The following DHX9 variants were observed in gnomAD, a reference collection of about 807,000 sequenced individuals.
DHX9 encodes the protein DExH-box helicase 9, also known as ATP-dependent RNA helicase A.
DHX9 carries 27 observed loss-of-function variants against 148.7 expected under a neutral mutation model. The ratio of observed to expected loss-of-function variants is 0.18; its 90% CI spans 0.13 to 0.25. The LOEUF (loss-of-function observed/expected upper bound fraction) is 0.25, where lower values mean the gene tolerates loss of function less well. DHX9 is among the 10% of genes least tolerant of loss of function. The pLI is 1.00. For missense variants in DHX9, 796 were observed against 1,559.6 expected, an observed-to-expected ratio of 0.51 and a Z score of 8.25; for synonymous variants, 529 against 516.6, an observed-to-expected ratio of 1.02 and a Z score of -0.33.
intron 14 of DHX9, among the ~76,000 whole-genome samples, chr1:182,868,651 G>A (rs1648409457): frequency 6.6e-6 from 1 of 151,580 alleles, no homozygotes; most frequent in South Asian, 2.1e-4. Flanking sequence ...AAGTAGCTGG[G>A]ATTACAGGTG....
At chr1:182,843,564 T>C in intron 3 of DHX9, 130 bp downstream of exon 3, 2 of 960,860 alleles carry the variant, frequency 2.1e-6, no homozygotes, top group Non-Finnish European at 2.9e-6. Context: ...AAATTTGGCA[T>C]CTTGTTTTGT....
chr1:182,877,251 C>A (rs1164719370), intron 19 of DHX9, among the ~76,000 whole-genome samples: 1 of 152,034 alleles, frequency 6.6e-6, no homozygotes, highest in African/African-American at 2.4e-5. Context: ...GTGTTTAGCA[C>A]ATGACAAATA....
chr1:182,839,417 C>G lies in DHX9; in HGVS notation c.-62C>G, dbSNP rs1667869778. 6.6e-6 allele frequency: 1 copy of G among 152,500 alleles called. No homozygotes were observed. 9.4% of individuals were successfully genotyped at this position (152,500 alleles called of 1,614,324 possible). ...TTGTCTCGGTAGAAGGCCAGAGTCA[C>G]ACACGGTCCTAAGAGCTGGGCACCA... is the stretch of plus-strand genomic sequence containing the variant. On this transcript the variant is annotated 5_prime_UTR_variant, in exon 1 of 28. Transcript: ENST00000367549.
At chr1:182,860,330 G>A (rs974115527) in intron 12 of DHX9, 146 bp downstream of exon 12, 10 of 687,370 alleles carry the variant, frequency 1.5e-5, no homozygotes, top group African/African-American at 1.3e-4. Flanking sequence ...TAAAAACAAC[G>A]TAGTCTTTTT....
chr1:182,883,090 A>C (rs2102621280), intron 24 of DHX9, 49 bp from the exon 25 acceptor site: 1 of 1,245,108 alleles, frequency 8.0e-7, no homozygotes, highest in Middle Eastern at 1.9e-4. Flanking sequence ...TGTAATGTGA[A>C]GATCAGCCAG....
At chr1:182,849,259 G>C (rs964624617) in intron 3 of DHX9, among the ~76,000 whole-genome samples, 5 of 152,038 alleles carry the variant, frequency 3.3e-5, no homozygotes, top group Non-Finnish European at 5.9e-5. Context: ...GAATAATATA[G>C]TGAAACTCCA....
At chr1:182,884,554 T>TAATG in intron 26 of DHX9, 59 bp from the exon 27 acceptor site, 2 of 1,436,062 alleles carry the variant, frequency 1.4e-6, no homozygotes, top group Non-Finnish European at 1.9e-6. Flanking sequence ...AGTTGAGAGA[T>TAATG]AATGGTCTTT....
intron 12 of DHX9, among the ~76,000 whole-genome samples, chr1:182,866,000 G>C (rs1648278695): frequency 6.6e-6 from 1 of 152,200 alleles, no homozygotes; most frequent in Non-Finnish European, 1.5e-5. Context: ...TGATGCAAAA[G>C]TGCATTGAAT....
intron 14 of DHX9, 33 bp downstream of exon 14, chr1:182,867,076 A>C (rs1377585769): frequency 1.7e-5 from 22 of 1,323,730 alleles, no homozygotes; most frequent in African/African-American, 3.0e-5. Flanking sequence ...TAAGGTACTT[A>C]ATTCTGCTAT....
At position 182,881,463 on chromosome 1, in the gene DHX9, C is replaced by T. The variant is rs772681774; in HGVS notation, c.2786+38C>T. 15 of 1,609,322 alleles carry T rather than the reference C, an allele frequency of 9.3e-6. No homozygotes were observed. In the African/African-American group the frequency reaches 1.7e-4, roughly 19 times the overall value. On this transcript the variant is annotated intron_variant, in intron 23 of 27. Coordinates refer to ENST00000367549, the MANE Select transcript of DHX9 (RefSeq NM_001357.5). The stretch of plus-strand genomic sequence containing the variant: ...TTTGGGTGAGCTGTCTGTAGTTTCT[C>T]ATTTGTATTTAGTTCTCTGGTCTTA...
intron 21 of DHX9, among the ~76,000 whole-genome samples, chr1:182,879,667 C>T (rs945708859): frequency 6.6e-6 from 1 of 152,174 alleles, no homozygotes; most frequent in African/African-American, 2.4e-5. Context: ...TAACTATGTA[C>T]TAAAGATCAG....
intron 20 of DHX9, 138 bp downstream of exon 20, chr1:182,878,311 C>T (rs970255804): frequency 6.3e-5 from 59 of 931,154 alleles, no homozygotes; most frequent in South Asian, 4.1e-4. Context: ...GTAAATGTTT[C>T]GTAAGAATCT....
chr1:182,848,508 T>A (rs577414532), intron 3 of DHX9, among the ~76,000 whole-genome samples: 2 of 152,218 alleles, frequency 1.3e-5, no homozygotes, highest in Admixed American at 1.3e-4. Context: ...GATTTTTTTG[T>A]TTTTAGTTCG....
rs371723795 is a variant in DHX9, at chr1:182,862,482, C to G, written c.1332+2298C>G. On this transcript the variant is annotated intron_variant, in intron 12 of 27. Coordinates refer to ENST00000367549, the MANE Select transcript of DHX9 (RefSeq NM_001357.5). ...TGAATTGTAATTGTAGGATGTAAAT[C>G]AAGCATATTAATGTAATTTTATCAA... Among the ~76,000 whole-genome samples the G allele has an allele frequency of 3.9e-5, 6 of 152,330 alleles. No individual in the cohort carries two copies. The South Asian group carries it at 1.0e-3, about 26-fold the overall frequency.
intron 12 of DHX9, among the ~76,000 whole-genome samples, chr1:182,861,058 C>T (rs1215524889): frequency 6.6e-6 from 1 of 152,210 alleles, no homozygotes; most frequent in Non-Finnish European, 1.5e-5. Context: ...TGTTCATTTA[C>T]ATTTGCATGT....
intron 3 of DHX9, among the ~76,000 whole-genome samples, chr1:182,846,083 C>T (rs1668023569): frequency 6.6e-6 from 1 of 152,144 alleles, no homozygotes; most frequent in Non-Finnish European, 1.5e-5. Flanking sequence ...CTAATCTTTC[C>T]TTGGTGGTTC....
chr1:182,885,310 T>C (rs1270244613), intron 27 of DHX9, among the ~76,000 whole-genome samples: 3 of 152,242 alleles, frequency 2.0e-5, no homozygotes, highest in Non-Finnish European at 2.9e-5. Flanking sequence ...AATTTTTTCT[T>C]TGCCCACTAA....
chr1:182,859,091 T>C lies in DHX9; in HGVS notation c.1114T>C (p.Leu372=), dbSNP rs767056538. 8 of 1,614,118 alleles carry C rather than the reference T, an allele frequency of 5.0e-6. No homozygotes were observed. In the South Asian group the frequency reaches 8.8e-5, roughly 18 times the overall value. Residue 372 remains leucine, a synonymous_variant, in exon 11 of 28, where the codon TTG becomes CTG. Transcript: ENST00000367549. The part of the protein sequence containing the change: ...MDLKNELMYQ[L]EQDHDLQAIL... ...CCTCAAGAATGAATTGATGTACCAG[T>C]TGGAACAGGATCATGATTTGCAAGC...
chr1:182,847,930 C>T (rs990968272), intron 3 of DHX9, among the ~76,000 whole-genome samples: 1 of 152,158 alleles, frequency 6.6e-6, no homozygotes, highest in African/African-American at 2.4e-5. Context: ...CAGGAACTTA[C>T]TTGGCTACAA....
Sources: allele counts gnomAD v4.1 joint callset (sites outside exome capture counted in the v4.1 genomes callset), GRCh38; gene constraint gnomAD v4.1.1; transcripts MANE v1.5; gene names NCBI Gene and HGNC (gene_info 2026-07-23, HGNC 2026-07-21).